The following CLNK variants were observed in gnomAD, a reference collection of about 807,000 sequenced individuals.
The protein encoded by CLNK is cytokine-dependent hematopoietic cell linker.
Under a neutral mutation model 68.6 loss-of-function variants are expected in CLNK, and 74 were observed. That is an observed-to-expected ratio of 1.08 (90% CI 0.89 to 1.31). CLNK has a LOEUF of 1.31. CLNK is among the 50% of genes most tolerant of loss of function. The pLI is 0.00. For missense variants in CLNK, 553 were observed against 515.3 expected, an observed-to-expected ratio of 1.07 and a Z score of -0.71; for synonymous variants, 198 against 172.2, an observed-to-expected ratio of 1.15 and a Z score of -1.17.
At chr4:10,597,521 A>G (rs912030181) in intron 3 of CLNK, among the ~76,000 whole-genome samples, 17 of 152,210 alleles carry the variant, frequency 1.1e-4, no homozygotes, top group African/African-American at 3.6e-4. Context: ...TTTTGATACC[A>G]TAACCACTCA....
At chr4:10,604,568 G>C (rs1400474615) in intron 2 of CLNK, among the ~76,000 whole-genome samples, 2 of 151,830 alleles carry the variant, frequency 1.3e-5, no homozygotes, top group South Asian at 2.1e-4. Context: ...GCACAAAAAG[G>C]CTTCTTGTCA....
At chr4:10,699,252 C>CGTATGTGTGTATACACACACACCAT in the CLNK span, among the ~76,000 whole-genome samples, 1 of 59,958 alleles carries the variant, frequency 1.7e-5, no homozygotes, top group Non-Finnish European at 3.6e-5. Context: ...ATACACACCA[C>CGTATGTGTGTATACACACACACCAT]GTATGTGTGT....
intron 2 of CLNK, among the ~76,000 whole-genome samples, chr4:10,629,181 C>T (rs1253199542): frequency 2.6e-5 from 4 of 152,142 alleles, no homozygotes; most frequent in Admixed American, 2.0e-4. Context: ...TGAGGGCTCC[C>T]GTGTCACCTA....
chr4:10,520,235 C>T (rs986096657), intron 15 of CLNK, among the ~76,000 whole-genome samples: 5 of 152,206 alleles, frequency 3.3e-5, no homozygotes, highest in Admixed American at 6.5e-5. Flanking sequence ...CAGACATCGC[C>T]GCAGATGTGA....
intron 2 of CLNK, among the ~76,000 whole-genome samples, chr4:10,652,788 A>T (rs1723803168): frequency 6.6e-6 from 1 of 152,226 alleles, no homozygotes; most frequent in Admixed American, 6.5e-5. Context: ...TATTTCTATA[A>T]CACTGCATGC....
the CLNK span, among the ~76,000 whole-genome samples, chr4:10,695,082 G>T: frequency 6.6e-6 from 1 of 152,176 alleles, no homozygotes; most frequent in African/African-American, 2.4e-5. Context: ...AGGATACAAA[G>T]TTTCAGTTAG....
chr4:10,602,002 C>T (rs1721605835), intron 2 of CLNK, among the ~76,000 whole-genome samples: 1 of 152,232 alleles, frequency 6.6e-6, no homozygotes, highest in Admixed American at 6.5e-5. Flanking sequence ...CTTGCAATCA[C>T]TTCATCTTCT....
intron 2 of CLNK, among the ~76,000 whole-genome samples, chr4:10,661,702 A>G (rs1445413010): frequency 2.6e-5 from 4 of 152,236 alleles, no homozygotes; most frequent in Non-Finnish European, 5.9e-5. Context: ...ATTGCAGAGA[A>G]ATATCACTAT....
the CLNK span, among the ~76,000 whole-genome samples, chr4:10,713,675 A>T: frequency 6.6e-6 from 1 of 152,112 alleles, no homozygotes; most frequent in Non-Finnish European, 1.5e-5. Context: ...TCCCTCATGG[A>T]TGGGTTGGTG....
chr4:10,508,153 G>C (rs184917313), intron 16 of CLNK, 117 bp from the exon 17 acceptor site: 1 of 718,390 alleles, frequency 1.4e-6, no homozygotes, highest in East Asian at 2.8e-5. Flanking sequence ...GTAATCTGTA[G>C]TAGATATTCA....
At chr4:10,725,667 C>A in the CLNK span, among the ~76,000 whole-genome samples, 2 of 152,084 alleles carry the variant, frequency 1.3e-5, no homozygotes, top group Non-Finnish European at 2.9e-5. Context: ...TCCTGGCTAA[C>A]ATGGTGAAAC....
intron 2 of CLNK, among the ~76,000 whole-genome samples, chr4:10,634,498 C>T (rs1350186943): frequency 6.6e-6 from 1 of 152,306 alleles, no homozygotes; most frequent in Non-Finnish European, 1.5e-5. Context: ...TGCTTTCTAC[C>T]TCTCCACATT....
At chr4:10,584,791 A>C in intron 4 of CLNK, 136 bp downstream of exon 4, 1 of 916,048 alleles carries the variant, frequency 1.1e-6, no homozygotes, top group South Asian at 1.5e-5. Flanking sequence ...AACTGGAAGG[A>C]ATGGCATTAC....
intron 15 of CLNK, among the ~76,000 whole-genome samples, chr4:10,517,101 A>G (rs79549486): frequency 0.032 from 4,898 of 152,288 alleles, 271 homozygotes; most frequent in African/African-American, 0.1. Context: ...ACCTTCAGAA[A>G]TAAAGCATTC....
chr4:10,689,003 A>T (rs1342477361), upstream of CLNK, among the ~76,000 whole-genome samples: 1 of 151,992 alleles, frequency 6.6e-6, no homozygotes, highest in Non-Finnish European at 1.5e-5. Flanking sequence ...AACAGATTTG[A>T]TTCTTAATTC....
intron 18 of CLNK, among the ~76,000 whole-genome samples, chr4:10,495,678 G>T (rs1184430132): frequency 1.3e-5 from 2 of 152,140 alleles, no homozygotes; most frequent in African/African-American, 4.8e-5. Flanking sequence ...TCCTGAGAAG[G>T]GGTGCTTATC....
upstream of CLNK, among the ~76,000 whole-genome samples, chr4:10,687,733 T>C (rs1415047172): frequency 1.4e-4 from 22 of 152,174 alleles, no homozygotes; most frequent in Admixed American, 1.4e-3. Context: ...TCAGGCCAGC[T>C]GCAAATTCCA....
intron 8 of CLNK, among the ~76,000 whole-genome samples, chr4:10,555,447 T>C (rs368270042): frequency 1.1e-3 from 161 of 152,348 alleles, no homozygotes; most frequent in African/African-American, 3.6e-3. Flanking sequence ...CTTCTAGATC[T>C]ATGGTTAATG....
At chr4:10,567,136 A>G (rs1389220349) in intron 5 of CLNK, among the ~76,000 whole-genome samples, 1 of 150,732 alleles carries the variant, frequency 6.6e-6, no homozygotes, top group African/African-American at 2.4e-5. Flanking sequence ...CTTGGGAAAA[A>G]AAAAAAAAAA....
Sources: gnomAD v4.1 joint callset for allele counts (sites outside exome capture counted in the v4.1 genomes callset) on GRCh38, gnomAD v4.1.1 for gene constraint, MANE v1.5 for transcripts, NCBI Gene and HGNC (gene_info 2026-07-23, HGNC 2026-07-21) for gene names.